Variants in PRDM15 observed in about 807,000 individuals in gnomAD.
PRDM15 encodes the protein PR domain zinc finger protein 15.
Under a neutral mutation model 128.6 loss-of-function variants are expected in PRDM15, and 64 were observed. The observed-to-expected ratio is 0.50, with a 90% CI of 0.41 to 0.61. PRDM15 has a LOEUF of 0.61. PRDM15 is among the 20% of genes least tolerant of loss of function. PRDM15 has a pLI of 0.00. For synonymous variants in PRDM15, 615 were observed against 621.8 expected (o/e 0.99, Z 0.16); for missense variants, 1,242 against 1,569.1 (o/e 0.79, Z 3.52).
At chr21:41,867,317 T>G (rs2064045168) in intron 1 of PRDM15, 1 of 1,613,432 alleles carries the variant, frequency 6.2e-7, no homozygotes, top group Non-Finnish European at 8.5e-7. Flanking sequence ...GTTCGCAATC[T>G]TCCCCAGGGC....
At chr21:41,849,840 G>A (rs529916725) in intron 5 of PRDM15, among the ~76,000 whole-genome samples, 108 of 152,336 alleles carry the variant, frequency 7.1e-4, no homozygotes, top group Non-Finnish European at 1.3e-3. Context: ...GGGAGGCTGA[G>A]GCAAGAGAAT....
Position 41,821,932 on chromosome 21 carries a change from G to T in PRDM15, c.1867C>A (p.Pro623Thr), listed in dbSNP as rs1290982939. The change falls in exon 15 of 24, where the codon CCT becomes ACT. Residue 623 changes from proline to threonine, a missense_variant. Around this residue, in one of 3 missense-constraint regions of PRDM15, gnomAD observed 602 missense variants for 788.3 expected, o/e 0.76. Coordinates refer to ENST00000398548, the MANE Select transcript of PRDM15 (RefSeq NM_001040424.3). The surrounding 1 kb of genome is among the most constrained non-coding windows in gnomAD (Gnocchi z 5.4). ...DNSDESADSE[P>T]HKYSCKRCQL... ...CACCGCTTGCAGCTGTACTTGTGAG[G>T]CTCCGAGTCTGCGCTCTCGTCAGAA... 3.7e-6 allele frequency: 6 copies of T among 1,614,042 alleles called. No homozygotes were observed. Among genetic ancestry groups the T allele is most frequent in the Non-Finnish European group, 4.2e-6 (5 of 1,180,056 alleles).
chr21:41,822,069 C>T lies in PRDM15; in HGVS notation c.1762-32G>A, dbSNP rs1568924485. 3 of 1,612,348 alleles carry T rather than the reference C, an allele frequency of 1.9e-6. No individual in the cohort carries two copies. The South Asian group carries it at 3.3e-5, about 18-fold the overall frequency. ...AACAGCCACCACTTCCGGTTTCTAA[C>T]AGCGCAGCAGACGCTTCACTCAGTT... On this transcript the variant is annotated intron_variant, in intron 14 of 23. Coordinates refer to ENST00000398548, the MANE Select transcript of PRDM15 (RefSeq NM_001040424.3).
In PRDM15 at chr21:41,826,048, C is replaced by T. The variant is rs975841760; in HGVS notation, c.1541G>A (p.Arg514Gln). 15 of 1,613,868 alleles carry T rather than the reference C, an allele frequency of 9.3e-6. 1 individual carries two copies. The highest frequency in any genetic ancestry group is 1.3e-5 in the African/African-American group (1 of 74,930). Residue 514 changes from arginine to glutamine, a missense_variant, in exon 13 of 24, where the codon CGG becomes CAG. Physicochemically the swap from Arg to Gln is conservative, Grantham distance 43. This residue lies in a region of PRDM15 where 612 missense variants were observed against 717.0 expected (regional missense o/e 0.85). Transcript: ENST00000398548. ...CTCCAGGTCCTCTCGCTTCACTCGC[C>T]GCACTCCTGAAATTGCCAACCCCAC... ...DHQRRHLEGVRRVKREDLEAG... is the reference protein window; with the variant it reads ...DHQRRHLEGVQRVKREDLEAG...
At chr21:41,830,467 CACCACACACACACTGAACACAT>C (rs1190359600) in intron 11 of PRDM15, among the ~76,000 whole-genome samples, 3 of 151,634 alleles carry the variant, frequency 2.0e-5, no homozygotes, top group African/African-American at 7.3e-5. Flanking sequence ...CACACACATA[CACCACACACACACTGAACACAT>C]ACCACACACA....
chr21:41,826,510 T>C (rs2062478066), intron 12 of PRDM15, among the ~76,000 whole-genome samples: 1 of 152,188 alleles, frequency 6.6e-6, no homozygotes, highest in Non-Finnish European at 1.5e-5. Context: ...AAATTAACAT[T>C]AGTCAAATCA....
chr21:41,878,816 C>A, intron 1 of PRDM15: 1 of 1,166,758 alleles, frequency 8.6e-7, no homozygotes, highest in Non-Finnish European at 1.1e-6. Flanking sequence ...ACGACGCCGC[C>A]CGGCGGCGGG....
rs753774436 is a variant in PRDM15, at chr21:41,854,773, C to T, written c.331G>A (p.Glu111Lys). ...AGCATCATCCAGTTGCAGTCATCCTCGTTGGAGGTGTCGAAGCACACGGGG... is the reference window on the plus strand; with the variant it reads ...AGCATCATCCAGTTGCAGTCATCCTTGTTGGAGGTGTCGAAGCACACGGGG... ...GHPVCFDTSNEDDCNWMMLVR... is the reference protein window; with the variant it reads ...GHPVCFDTSNKDDCNWMMLVR... Residue 111 changes from glutamate to lysine, a missense_variant, in exon 5 of 24, where the codon GAG becomes AAG. Physicochemically the swap from Glu to Lys is moderately conservative, Grantham distance 56. Coordinates refer to ENST00000398548, the MANE Select transcript of PRDM15 (RefSeq NM_001040424.3). This position sits in a 1 kb window ranked among gnomAD's most constrained non-coding sequence, Gnocchi z 4.6. The T allele has an allele frequency of 4.3e-6, 7 of 1,609,450 alleles. No individual in the cohort carries two copies. The highest frequency in any genetic ancestry group is 5.1e-6 in the Non-Finnish European group (6 of 1,176,526).
At chr21:41,808,152 C>G (rs2061740532) in intron 21 of PRDM15, among the ~76,000 whole-genome samples, 2 of 152,238 alleles carry the variant, frequency 1.3e-5, no homozygotes, top group South Asian at 4.1e-4. Context: ...AGGAACCGCT[C>G]AAACGCCAGC....
chr21:41,838,265 G>A (rs1002107218), intron 7 of PRDM15, among the ~76,000 whole-genome samples: 3 of 152,116 alleles, frequency 2.0e-5, no homozygotes, highest in Non-Finnish European at 4.4e-5. Context: ...AAAGCAAAAT[G>A]TTTTTCTTAG....
chr21:41,859,274 C>G lies in PRDM15; in HGVS notation c.131+318G>C. 2 of 1,576,994 alleles carry G rather than the reference C, an allele frequency of 1.3e-6. No individual in the cohort carries two copies. The highest frequency in any genetic ancestry group is 1.7e-6 in the Non-Finnish European group (2 of 1,150,624). On this transcript the variant is annotated intron_variant, in intron 3 of 23. Coordinates refer to ENST00000398548, the MANE Select transcript of PRDM15 (RefSeq NM_001040424.3). The surrounding 1 kb of genome is among the most constrained non-coding windows in gnomAD (Gnocchi z 5.3). ...AACGAGCAGACCTCCAGCTTGGCTG[C>G]TGGTGCTCAGCACGTCAACCACCTT...
intron 1 of PRDM15, chr21:41,878,685 A>T: frequency 1.9e-6 from 3 of 1,545,772 alleles, no homozygotes; most frequent in Non-Finnish European, 2.6e-6. Context: ...GGTCTGGGAG[A>T]CCCCATCACC....
intron 1 of PRDM15, among the ~76,000 whole-genome samples, chr21:41,873,231 C>G (rs187403080): frequency 6.6e-4 from 101 of 152,308 alleles, no homozygotes; most frequent in African/African-American, 2.4e-3. Flanking sequence ...TTTCCTTAGT[C>G]TACTCCCCGG....
intron 1 of PRDM15, chr21:41,861,736 C>A (rs904447160): frequency 5.6e-6 from 9 of 1,614,048 alleles, no homozygotes; most frequent in Non-Finnish European, 7.6e-6. Flanking sequence ...AACTCACAGT[C>A]ACTGAACTTG....
chr21:41,851,797 A>C, intron 5 of PRDM15, among the ~76,000 whole-genome samples: 1 of 152,106 alleles, frequency 6.6e-6, no homozygotes, highest in Non-Finnish European at 1.5e-5. Flanking sequence ...CATGTTCACT[A>C]CCTCTCCAGA....
chr21:41,836,382 A>C, intron 9 of PRDM15, 86 bp downstream of exon 9: 1 of 1,425,690 alleles, frequency 7.0e-7, no homozygotes, highest in Non-Finnish European at 9.7e-7. Context: ...AGACGACCCA[A>C]GGAGGGGAGA....
Position 41,798,800 on chromosome 21 carries a change from G to C in PRDM15, c.*2440C>G, listed in dbSNP as rs1439072742. The C allele has an allele frequency of 6.6e-6, 1 of 152,222 alleles. No homozygotes were observed. The highest frequency in any genetic ancestry group is 1.5e-5 in the Non-Finnish European group (1 of 68,052). 9.4% of individuals were successfully genotyped at this position (152,222 alleles called of 1,614,324 possible). On this transcript the variant is annotated 3_prime_UTR_variant, in exon 24 of 24. Coordinates refer to ENST00000398548, the MANE Select transcript of PRDM15 (RefSeq NM_001040424.3). The stretch of plus-strand genomic sequence containing the variant: ...GTCATGATGATCAATATGCAGAACT[G>C]CGTATAGGTGAGGACTCTTCTGCCT...
At chr21:41,820,283 C>A (rs368326753) in intron 16 of PRDM15, 109 bp from the exon 17 acceptor site, 4 of 772,892 alleles carry the variant, frequency 5.2e-6, no homozygotes, top group South Asian at 4.6e-5. Flanking sequence ...CAAGGTGCCA[C>A]GGGGATGATA....
At chr21:41,867,443 A>C in intron 1 of PRDM15, 4 of 1,203,482 alleles carry the variant, frequency 3.3e-6, no homozygotes, top group Non-Finnish European at 4.9e-6. Flanking sequence ...TGAAACATAC[A>C]TGTTGAAGAG....
Sources: gnomAD v4.1 joint callset for allele counts (sites outside exome capture counted in the v4.1 genomes callset) on GRCh38, gnomAD v4.1.1 for gene constraint, gnomAD v4.1.1 regional missense constraint, Gnocchi (gnomAD v3.1) non-coding constraint, MANE v1.5 for transcripts, NCBI Gene and HGNC (gene_info 2026-07-23, HGNC 2026-07-21) for gene names.